The following DPYD variants were observed in gnomAD, a reference collection of about 807,000 sequenced individuals.
DPYD encodes the protein dihydropyrimidine dehydrogenase [NADP(+)].
In DPYD, 109 loss-of-function variants were observed where a neutral mutation model predicts 116.2. The ratio of observed to expected loss-of-function variants is 0.94; its 90% CI spans 0.80 to 1.10. The LOEUF is 1.10. Ranked by LOEUF, DPYD falls within the 50% of genes least tolerant of loss-of-function variation. The probability of loss-of-function intolerance (pLI) is 0.00; values close to 1 mark genes in which losing one functional copy is unlikely to be tolerated. For missense variants in DPYD, 1,302 were observed against 1,254.5 expected (o/e 1.04, Z -0.57); for synonymous variants, 440 against 432.0 (o/e 1.02, Z -0.23).
intron 3 of DPYD, among the ~76,000 whole-genome samples, chr1:97,747,558 A>G (rs1354667060): frequency 6.6e-6 from 1 of 152,186 alleles, no homozygotes; most frequent in Non-Finnish European, 1.5e-5. Flanking sequence ...GAAAATAGTG[A>G]TAAGCCATGT....
intron 3 of DPYD, among the ~76,000 whole-genome samples, chr1:97,783,729 T>C (rs1666876355): frequency 6.6e-6 from 1 of 152,124 alleles, no homozygotes; most frequent in Admixed American, 6.5e-5. Context: ...GGAGGCATCA[T>C]TTACCAGAGG....
chr1:97,917,540 G>A (rs1674275904), intron 1 of DPYD, among the ~76,000 whole-genome samples: 2 of 151,988 alleles, frequency 1.3e-5, no homozygotes, highest in Non-Finnish European at 1.5e-5. Flanking sequence ...CAGTAATTCC[G>A]AAACCATTTC....
chr1:97,561,151 T>C (rs1652116249), intron 11 of DPYD, among the ~76,000 whole-genome samples: 1 of 152,182 alleles, frequency 6.6e-6, no homozygotes, highest in South Asian at 2.1e-4. Flanking sequence ...AAATAATCTC[T>C]GTTTAGAAGC....
Position 97,448,999 on chromosome 1 carries a change from A to AT in DPYD, c.1905+1059dup, listed in dbSNP as rs1245438585. On this transcript the variant is annotated intron_variant, in intron 14 of 22. Coordinates refer to ENST00000370192, the MANE Select transcript of DPYD (RefSeq NM_000110.4). The stretch of plus-strand genomic sequence containing the variant: ...GTTTATTTTATTTCTATGTGCATGT[A>AT]TTTTATTTCAAAATTATCAAGAGAT... Among the ~76,000 whole-genome samples the AT allele has an allele frequency of 4.6e-5, 7 of 152,062 alleles. No homozygotes were observed. The East Asian group carries it at 1.4e-3, about 29-fold the overall frequency.
chr1:97,740,007 A>G (rs1173693931), intron 4 of DPYD, among the ~76,000 whole-genome samples: 2 of 152,084 alleles, frequency 1.3e-5, no homozygotes, highest in South Asian at 2.1e-4. Context: ...TGATATATCT[A>G]TGTGCTAGAC....
intron 18 of DPYD, among the ~76,000 whole-genome samples, chr1:97,293,698 T>C (rs59373360): frequency 0.041 from 6,237 of 152,174 alleles, 168 homozygotes; most frequent in Middle Eastern, 0.11. Flanking sequence ...TCTCAGCACT[T>C]TGTGGGGCTG....
At chr1:97,214,241 G>A (rs1264748810) in intron 19 of DPYD, among the ~76,000 whole-genome samples, 2 of 152,082 alleles carry the variant, frequency 1.3e-5, no homozygotes, top group African/African-American at 4.8e-5. Context: ...TTTAGGTTAT[G>A]ATATGGTAAA....
intron 1 of DPYD, among the ~76,000 whole-genome samples, chr1:97,914,503 T>C (rs537394479): frequency 7.2e-5 from 11 of 152,274 alleles, no homozygotes; most frequent in Admixed American, 4.6e-4. Flanking sequence ...TTTTCACCTA[T>C]GCATTAGCCC....
In DPYD at chr1:97,515,341, G is replaced by A. The variant is rs542187555; in HGVS notation, c.1740+385C>T. On this transcript the variant is annotated intron_variant, in intron 13 of 22. Transcript: ENST00000370192. ...CACCAATACCAATAAGTTACACTGA[G>A]ATTCTTTTCAACATAAATTGAATTC... is the stretch of plus-strand genomic sequence containing the variant. Among the ~76,000 whole-genome samples the A allele has an allele frequency of 3.3e-5, 5 of 151,964 alleles. No individual in the cohort carries two copies. The South Asian group carries it at 1.0e-3, about 32-fold the overall frequency.
intron 8 of DPYD, among the ~76,000 whole-genome samples, chr1:97,652,459 A>G (rs1658641676): frequency 6.6e-6 from 1 of 152,226 alleles, no homozygotes; most frequent in Non-Finnish European, 1.5e-5. Context: ...TCTCCCATTA[A>G]GGTATAGTGC....
chr1:97,432,911 T>A (rs1253284300), intron 14 of DPYD, among the ~76,000 whole-genome samples: 1 of 152,144 alleles, frequency 6.6e-6, no homozygotes, highest in Non-Finnish European at 1.5e-5. Flanking sequence ...CCAGAAAGAC[T>A]CTAGAATCTC....
rs535934122 is a variant in DPYD, at chr1:97,793,408, C to T, written c.233+34706G>A. On this transcript the variant is annotated intron_variant, in intron 3 of 22. Coordinates refer to ENST00000370192, the MANE Select transcript of DPYD (RefSeq NM_000110.4). ...TTTCAGGTGACCTAGAATAGCCAAA[C>T]AACTTATAAAAAGGAAAACTAACTT... Among the ~76,000 whole-genome samples, 3 of 152,180 alleles carry T rather than the reference C, an allele frequency of 2.0e-5. No individual in the cohort carries two copies. In the South Asian group the frequency reaches 6.2e-4, roughly 32 times the overall value.
At chr1:97,737,014 T>C (rs1398056532) in intron 4 of DPYD, among the ~76,000 whole-genome samples, 1 of 152,102 alleles carries the variant, frequency 6.6e-6, no homozygotes, top group Non-Finnish European at 1.5e-5. Flanking sequence ...TATAAAATAC[T>C]CCTCACCTAT....
chr1:97,094,035 C>T (rs10449720), intron 21 of DPYD, among the ~76,000 whole-genome samples: 1 of 151,624 alleles, frequency 6.6e-6, no homozygotes, highest in African/African-American at 2.4e-5. Flanking sequence ...TTCCTCTACT[C>T]GATTCCTCTT....
chr1:97,504,937 A>G (rs1411025803), intron 13 of DPYD, among the ~76,000 whole-genome samples: 1 of 151,828 alleles, frequency 6.6e-6, no homozygotes, highest in African/African-American at 2.4e-5. Flanking sequence ...TCTTGTGTCC[A>G]TTGAGTAAAA....
chr1:97,378,408 G>T (rs1015010159), intron 15 of DPYD, among the ~76,000 whole-genome samples: 1 of 152,168 alleles, frequency 6.6e-6, no homozygotes, highest in Admixed American at 6.5e-5. Context: ...GAAACTGATA[G>T]GAAACTGGCT....
At chr1:97,406,304 A>AT (rs1419812532) in intron 14 of DPYD, among the ~76,000 whole-genome samples, 1 of 142,564 alleles carries the variant, frequency 7.0e-6, no homozygotes, top group Non-Finnish European at 1.5e-5. Context: ...TTATTAATTT[A>AT]TTTTTTATTT....
intron 18 of DPYD, among the ~76,000 whole-genome samples, chr1:97,301,932 A>G (rs1438219539): frequency 6.6e-6 from 1 of 151,980 alleles, no homozygotes; most frequent in Non-Finnish European, 1.5e-5. Context: ...AAAATTTCAA[A>G]CTAAAACAAG....
intron 14 of DPYD, among the ~76,000 whole-genome samples, chr1:97,407,961 G>A (rs548744181): frequency 6.6e-6 from 1 of 152,268 alleles, no homozygotes; most frequent in South Asian, 2.1e-4. Flanking sequence ...GAGTTATAGT[G>A]TTGGCTGGGG....
Sources: allele counts gnomAD v4.1 joint callset (sites outside exome capture counted in the v4.1 genomes callset), GRCh38; gene constraint gnomAD v4.1.1; transcripts MANE v1.5; gene names NCBI Gene and HGNC (gene_info 2026-07-23, HGNC 2026-07-21).